Variants in MYO5C observed in about 807,000 individuals in gnomAD.
The protein encoded by MYO5C is myosin VC, also known as unconventional myosin-Vc.
A neutral mutation model predicts 235.7 loss-of-function variants in MYO5C; 194 were observed. That is an observed-to-expected ratio of 0.82 (90% confidence interval 0.73 to 0.93). The LOEUF is 0.93. Ranked by LOEUF, MYO5C falls within the 40% of genes least tolerant of loss-of-function variation. MYO5C has a pLI of 0.00. For missense variants in MYO5C, 2,038 were observed against 2,127.2 expected (o/e 0.96, Z 0.82); for synonymous variants, 707 against 754.8 (o/e 0.94, Z 1.04).
intron 11 of MYO5C, among the ~76,000 whole-genome samples, chr15:52,255,767 T>C (rs1282642760): frequency 6.6e-6 from 1 of 151,950 alleles, no homozygotes; most frequent in Non-Finnish European, 1.5e-5. Context: ...AAGTAGCATT[T>C]ACTCAACATT....
chr15:52,270,214 C>T (rs993145156), intron 7 of MYO5C, among the ~76,000 whole-genome samples: 17 of 152,110 alleles, frequency 1.1e-4, no homozygotes, highest in African/African-American at 3.6e-4. Context: ...CCCAGGAGTT[C>T]GAGGCTGCAG....
At chr15:52,248,915 C>T (rs1313897813) in intron 13 of MYO5C, 132 bp from the exon 14 acceptor site, 2 of 643,838 alleles carry the variant, frequency 3.1e-6, no homozygotes, top group Admixed American at 2.9e-5. Flanking sequence ...AGACGTCTGG[C>T]TTCTGTGCAT....
intron 26 of MYO5C, 95 bp downstream of exon 26, chr15:52,225,344 C>G: frequency 8.3e-7 from 1 of 1,201,740 alleles, no homozygotes; most frequent in South Asian, 1.2e-5. Context: ...TATGTCCAAC[C>G]AAATTCATAC....
At chr15:52,232,710 G>A in intron 23 of MYO5C, 25 bp from the exon 24 acceptor site, 1 of 1,600,686 alleles carries the variant, frequency 6.2e-7, no homozygotes, top group Non-Finnish European at 8.6e-7. Context: ...TGCTTTTTGA[G>A]ATATGTCTGC....
chr15:52,242,980 G>A (rs1025785417), intron 19 of MYO5C: 1 of 152,210 alleles, frequency 6.6e-6, no homozygotes, highest in Non-Finnish European at 1.5e-5. Flanking sequence ...ACGTCAATGA[G>A]GTTAGAAAAA....
At chr15:52,203,365 T>C (rs918101135) in intron 38 of MYO5C, among the ~76,000 whole-genome samples, 6 of 152,358 alleles carry the variant, frequency 3.9e-5, no homozygotes, top group African/African-American at 1.4e-4. Flanking sequence ...TTTATTTTTT[T>C]GAGGCAGAGT....
At chr15:52,282,962 C>G in intron 1 of MYO5C, 70 bp from the exon 2 acceptor site, 1 of 1,001,836 alleles carries the variant, frequency 1.0e-6, no homozygotes, top group South Asian at 1.3e-5. Flanking sequence ...TGGTTAGACA[C>G]AGGAAGGTTT....
At chr15:52,274,683 C>T (rs1006900388) in intron 5 of MYO5C, among the ~76,000 whole-genome samples, 15 of 138,422 alleles carry the variant, frequency 1.1e-4, no homozygotes, top group African/African-American at 3.8e-4. Flanking sequence ...CCCCCCCCGA[C>T]ATATGTTTCT....
In MYO5C at chr15:52,269,782, A is replaced by G. The variant is rs199898766; in HGVS notation, c.911T>C (p.Val304Ala). 7 of 1,612,928 alleles carry G rather than the reference A, an allele frequency of 4.3e-6. No individual in the cohort carries two copies. Among genetic ancestry groups the G allele is most frequent in the Non-Finnish European group, 5.9e-6 (7 of 1,179,354 alleles). ...AAGCGTGAAGGTCTTTTGAGTCTCT[A>G]CCATTTCAGCTCGATCATTCACACC... The part of the protein sequence containing the change: ...IEGVNDRAEM[V>A]ETQKTFTLLG... Residue 304 changes from valine (V) to alanine (A), a missense_variant, in exon 8 of 41, where the codon GTA becomes GCA. Transcript: ENST00000261839.
At chr15:52,248,855 C>G in intron 13 of MYO5C, 72 bp from the exon 14 acceptor site, 1 of 1,043,292 alleles carries the variant, frequency 9.6e-7, no homozygotes, top group Non-Finnish European at 1.4e-6. Context: ...AGTTTCATCT[C>G]TTTTTTAAGA....
At chr15:52,260,024 C>G (rs11638448) in intron 10 of MYO5C, among the ~76,000 whole-genome samples, 121,116 of 152,264 alleles carry the variant, frequency 0.8, 50,391 homozygotes, top group Non-Finnish European at 0.93. Flanking sequence ...GTTAAGAAAC[C>G]AGGGTGGGTC....
intron 1 of MYO5C, among the ~76,000 whole-genome samples, chr15:52,287,049 C>T (rs1009036762): frequency 6.6e-6 from 1 of 151,252 alleles, no homozygotes; most frequent in African/African-American, 2.4e-5. Context: ...GGATGAGGAA[C>T]CTATCTATTA....
At chr15:52,227,298 G>A (rs1182986024) in intron 25 of MYO5C, among the ~76,000 whole-genome samples, 15 of 143,954 alleles carry the variant, frequency 1.0e-4, no homozygotes, top group East Asian at 9.1e-4. Flanking sequence ...AGGTTCAAGC[G>A]ACCCTCCTGC....
At chr15:52,294,547 C>T (rs1453343587) in intron 1 of MYO5C, among the ~76,000 whole-genome samples, 1 of 152,214 alleles carries the variant, frequency 6.6e-6, no homozygotes, top group African/African-American at 2.4e-5. Flanking sequence ...TTTCTATCTA[C>T]AGCAAAAGCA....
chr15:52,219,788 G>A lies in MYO5C; in HGVS notation c.3756C>T (p.Arg1252=). ...KLEELSNQLH[R]SQEEEGTQRK... is the part of the protein sequence containing the mutation. The stretch of plus-strand genomic sequence containing the variant: ...TTTGTGTTCCTTCCTCCTCTTGACT[G>A]CGATGTAACTGATTAGACAATTCTT... Residue 1252 remains arginine, a synonymous_variant, in exon 31 of 41, where the codon CGC becomes CGT. Coordinates refer to ENST00000261839, the MANE Select transcript of MYO5C (RefSeq NM_018728.4). 2 of 1,612,646 alleles carry A rather than the reference G, an allele frequency of 1.2e-6. No homozygotes were observed. The highest frequency in any genetic ancestry group is 1.3e-5 in the African/African-American group (1 of 75,006).
chr15:52,194,622 TAA>T (rs2035004692), intron 40 of MYO5C, among the ~76,000 whole-genome samples: 1 of 152,116 alleles, frequency 6.6e-6, no homozygotes, highest in Non-Finnish European at 1.5e-5. Context: ...ATGTTAAACA[TAA>T]GTTTCCAAAA....
Position 52,282,782 on chromosome 15 carries a change from C to G in MYO5C, c.138G>C (p.Thr46=), listed in dbSNP as rs192901094. 6.3e-7 allele frequency: 1 copy of G among 1,595,796 alleles called. No homozygotes were observed. The highest frequency in any genetic ancestry group is 8.6e-7 in the Non-Finnish European group (1 of 1,163,410). ...KVLRLLLEDG[T]ELDYSVNPES... is the part of the protein sequence containing the mutation. The stretch of plus-strand genomic sequence containing the variant: ...AGCTGTGAACAGCAAGGACCCTCAC[C>G]GTTCCATCCTCCAGCAGGAGTCGCA... Residue 46 remains threonine (T), a splice_region_variant and synonymous_variant, in exon 2 of 41, where the codon ACG becomes ACC. Coordinates refer to ENST00000261839, the MANE Select transcript of MYO5C (RefSeq NM_018728.4).
intron 35 of MYO5C, among the ~76,000 whole-genome samples, chr15:52,211,144 G>C (rs966897866): frequency 6.6e-6 from 1 of 152,214 alleles, no homozygotes; most frequent in Non-Finnish European, 1.5e-5. Context: ...ACGTGGAACA[G>C]AGCCACCTTC....
intron 24 of MYO5C, among the ~76,000 whole-genome samples, chr15:52,231,246 C>A (rs553079958): frequency 6.6e-6 from 1 of 152,166 alleles, no homozygotes; most frequent in African/African-American, 2.4e-5. Context: ...GGAATTCCCC[C>A]CTTGGCTGAC....
Sources: gnomAD v4.1 joint callset for allele counts (sites outside exome capture counted in the v4.1 genomes callset) on GRCh38, gnomAD v4.1.1 for gene constraint, MANE v1.5 for transcripts, NCBI Gene and HGNC (gene_info 2026-07-23, HGNC 2026-07-21) for gene names.